VPS13B: variants seen among roughly 807,000 people sequenced by gnomAD.
VPS13B encodes vacuolar protein sorting 13 homolog B.
Under a neutral mutation model 426.4 loss-of-function variants are expected in VPS13B, and 285 were observed. The ratio of observed to expected loss-of-function variants is 0.67; its 90% CI spans 0.61 to 0.74. The LOEUF is 0.74. Ranked by LOEUF, VPS13B falls within the 30% of genes least tolerant of loss-of-function variation. VPS13B has a pLI of 0.00. For missense variants in VPS13B, 4,537 were observed against 4,782.6 expected (o/e 0.95, Z 1.51); for synonymous variants, 1,676 against 1,676.4 (o/e 1.00, Z 0.01).
chr8:99,377,910 G>T (rs542775222), intron 19 of VPS13B, among the ~76,000 whole-genome samples: 33 of 152,306 alleles, frequency 2.2e-4, no homozygotes, highest in African/African-American at 7.7e-4. Flanking sequence ...CAAGGTCAGG[G>T]TGAAACTAGA....
At chr8:99,162,026 G>A (rs964245657) in intron 15 of VPS13B, among the ~76,000 whole-genome samples, 2 of 152,070 alleles carry the variant, frequency 1.3e-5, no homozygotes, top group Non-Finnish European at 2.9e-5. Flanking sequence ...GAGCCACTGC[G>A]TCCGGCCAAG....
chr8:99,506,244 T>C (rs1482082304), intron 27 of VPS13B, among the ~76,000 whole-genome samples: 1 of 152,210 alleles, frequency 6.6e-6, no homozygotes, highest in Non-Finnish European at 1.5e-5. Context: ...TGTATATGGA[T>C]ATGATAATTA....
intron 14 of VPS13B, among the ~76,000 whole-genome samples, chr8:99,153,697 T>C (rs1284064146): frequency 1.3e-5 from 2 of 152,164 alleles, no homozygotes; most frequent in Non-Finnish European, 2.9e-5. Flanking sequence ...CTTATTACTA[T>C]TATTATTTTG....
chr8:99,439,573 G>A (rs1046866869), intron 22 of VPS13B, among the ~76,000 whole-genome samples: 2 of 151,926 alleles, frequency 1.3e-5, no homozygotes, highest in Admixed American at 6.6e-5. Flanking sequence ...CTTATATAGA[G>A]AACATTTGGT....
intron 14 of VPS13B, among the ~76,000 whole-genome samples, chr8:99,154,032 G>T (rs1032750275): frequency 1.3e-5 from 2 of 151,864 alleles, no homozygotes; most frequent in East Asian, 3.9e-4. Flanking sequence ...TTGAGTGGAG[G>T]TCAGGTATAA....
intron 35 of VPS13B, among the ~76,000 whole-genome samples, chr8:99,663,720 A>G (rs1170535419): frequency 6.6e-6 from 1 of 152,232 alleles, no homozygotes; most frequent in Non-Finnish European, 1.5e-5. Context: ...TAATTAGTTC[A>G]TGGAAGAGTG....
At chr8:99,164,737 ACT>A (rs1315000525) in intron 15 of VPS13B, among the ~76,000 whole-genome samples, 1 of 149,962 alleles carries the variant, frequency 6.7e-6, no homozygotes, top group African/African-American at 2.5e-5. Flanking sequence ...TCTCTTTTTA[ACT>A]CTCTCTTTAA....
chr8:99,513,901 C>T (rs547140961), intron 29 of VPS13B, among the ~76,000 whole-genome samples: 10 of 152,188 alleles, frequency 6.6e-5, no homozygotes, highest in African/African-American at 1.9e-4. Context: ...TCAGACATAG[C>T]GGCTCCTCAA....
chr8:99,715,489 G>A (rs1832880236), intron 36 of VPS13B, among the ~76,000 whole-genome samples: 1 of 152,168 alleles, frequency 6.6e-6, no homozygotes, highest in Non-Finnish European at 1.5e-5. Context: ...TTAGAAATTT[G>A]TCAAAGGAAA....
chr8:99,744,534 G>A (rs1212846594), intron 39 of VPS13B, among the ~76,000 whole-genome samples: 6 of 152,002 alleles, frequency 3.9e-5, no homozygotes, highest in East Asian at 1.9e-4. Flanking sequence ...TATTTATTGC[G>A]GCACTATTCA....
intron 31 of VPS13B, among the ~76,000 whole-genome samples, chr8:99,569,068 T>C (rs1825340257): frequency 6.6e-6 from 1 of 151,436 alleles, no homozygotes; most frequent in Admixed American, 6.6e-5. Flanking sequence ...GTGATCCGCC[T>C]GCCTCGGCCT....
chr8:99,749,813 C>T (rs1162989123), intron 39 of VPS13B, among the ~76,000 whole-genome samples: 3 of 152,018 alleles, frequency 2.0e-5, no homozygotes, highest in Non-Finnish European at 4.4e-5. Context: ...TGAGGACCCT[C>T]CATACTGTTC....
intron 33 of VPS13B, among the ~76,000 whole-genome samples, chr8:99,623,155 A>G (rs2133896208): frequency 6.6e-6 from 1 of 152,192 alleles, no homozygotes; most frequent in Non-Finnish European, 1.5e-5. Flanking sequence ...CTCCTCTTCT[A>G]CTATGCTGTC....
At chr8:99,608,298 G>A (rs1459968789) in intron 33 of VPS13B, among the ~76,000 whole-genome samples, 1 of 150,930 alleles carries the variant, frequency 6.6e-6, no homozygotes, top group Non-Finnish European at 1.5e-5. Flanking sequence ...ACAGAGACAT[G>A]CCACCATGCC....
At chr8:99,554,984 CTACCTTAGGAATCATGAGAAT>C (rs1424447861) in intron 30 of VPS13B, among the ~76,000 whole-genome samples, 1 of 152,102 alleles carries the variant, frequency 6.6e-6, no homozygotes, top group Non-Finnish European at 1.5e-5. Flanking sequence ...GATCCAGCTC[CTACCTTAGGAATCATGAGAAT>C]TATCCTCAGT....
chr8:99,283,169 A>C (rs1429934094), intron 19 of VPS13B, among the ~76,000 whole-genome samples: 3 of 152,204 alleles, frequency 2.0e-5, no homozygotes, highest in Non-Finnish European at 4.4e-5. Context: ...CTCCTAATGT[A>C]GAAATAAGTG....
At chr8:99,037,615 T>C (rs1218679869) in intron 2 of VPS13B, among the ~76,000 whole-genome samples, 1 of 152,130 alleles carries the variant, frequency 6.6e-6, no homozygotes, top group Non-Finnish European at 1.5e-5. Context: ...CAAATAGAGT[T>C]ACAATAACTA....
chr8:99,225,427 C>G (rs1425499408), intron 17 of VPS13B, among the ~76,000 whole-genome samples: 1 of 152,084 alleles, frequency 6.6e-6, no homozygotes, highest in African/African-American at 2.4e-5. Flanking sequence ...GAGGCACCCA[C>G]CACCACGCCC....
intron 34 of VPS13B, among the ~76,000 whole-genome samples, chr8:99,649,314 A>C (rs1251127663): frequency 6.6e-6 from 1 of 152,004 alleles, no homozygotes; most frequent in Non-Finnish European, 1.5e-5. Flanking sequence ...TTCTTCAAAT[A>C]GTCTTTCTGC....
Sources: gnomAD v4.1 joint callset for allele counts (sites outside exome capture counted in the v4.1 genomes callset) on GRCh38, gnomAD v4.1.1 for gene constraint, MANE v1.5 for transcripts, NCBI Gene and HGNC (gene_info 2026-07-23, HGNC 2026-07-21) for gene names.